MCM3AP: variants seen among roughly 807,000 people sequenced by gnomAD.
MCM3AP encodes germinal-center associated nuclear protein.
A neutral mutation model predicts 184.1 loss-of-function variants in MCM3AP; 126 were observed. The ratio of observed to expected loss-of-function variants is 0.68; its 90% CI spans 0.59 to 0.79. The LOEUF is 0.79. MCM3AP is among the 30% of genes least tolerant of loss of function. MCM3AP has a pLI of 0.00. For missense variants in MCM3AP, 2,496 were observed against 2,479.2 expected (o/e 1.01, Z -0.14); for synonymous variants, 1,002 against 979.3 (o/e 1.02, Z -0.43).
intron 12 of MCM3AP, among the ~76,000 whole-genome samples, chr21:46,265,066 GA>G (rs750649411): frequency 2.6e-4 from 40 of 152,366 alleles, no homozygotes; most frequent in Non-Finnish European, 1.2e-4. Flanking sequence ...ATCCCGTCAG[GA>G]ATAGACGGGT....
Position 46,243,728 on chromosome 21 carries a change from G to A in MCM3AP, c.5039-6C>T, listed in dbSNP as rs2080716339. The stretch of plus-strand genomic sequence containing the variant: ...GCACACGGGGAGCCAGGGGGCTGGG[G>A]AGAAAGTGCCTCATTAGTTACAGGT... On this transcript the variant is annotated splice_polypyrimidine_tract_variant and splice_region_variant and intron_variant, in intron 23 of 27. Transcript: ENST00000291688. The A allele has an allele frequency of 6.2e-7, 1 of 1,613,202 alleles. No individual in the cohort carries two copies. Among genetic ancestry groups the A allele is most frequent in the African/African-American group, 1.3e-5 (1 of 75,044 alleles).
Position 46,244,973 on chromosome 21 carries a change from G to A in MCM3AP, c.4872C>T (p.Ser1624=). The A allele has an allele frequency of 1.2e-6, 2 of 1,614,214 alleles. No individual in the cohort carries two copies. Among genetic ancestry groups the A allele is most frequent in the Non-Finnish European group, 1.7e-6 (2 of 1,180,044 alleles). ...AGGACAGGTCACACAGCTGTTCAGA[G>A]GACACCACAGAAGCCAGGAACTGCA... ...SVLQFLASVV[S]SEQLCDLSWP... Residue 1624 remains serine (S), a synonymous_variant, in exon 23 of 28, where the codon TCC becomes TCT. Transcript: ENST00000291688.
chr21:46,236,790 A>T (rs2080534857), intron 27 of MCM3AP, 39 bp downstream of exon 27: 2 of 1,412,322 alleles, frequency 1.4e-6, no homozygotes, highest in Admixed American at 2.7e-5. Flanking sequence ...CTCAATCTTT[A>T]ATTCTTATGT....
chr21:46,239,853 C>G (rs181949270), intron 26 of MCM3AP, among the ~76,000 whole-genome samples: 1 of 151,960 alleles, frequency 6.6e-6, no homozygotes, highest in African/African-American at 2.4e-5. Flanking sequence ...AGGGGGACCA[C>G]GGACATCCTA....
Position 46,280,095 on chromosome 21 carries a change from C to G in MCM3AP, c.1565G>C (p.Gly522Ala). 6.2e-7 allele frequency: 1 copy of G among 1,614,222 alleles called. No individual in the cohort carries two copies. The highest frequency in any genetic ancestry group is 8.5e-7 in the Non-Finnish European group (1 of 1,180,024). The change falls in exon 4 of 28, where the codon GGT becomes GCT. Residue 522 changes from glycine to alanine, a missense_variant. Gly to Ala is a moderately conservative substitution (Grantham distance 60). Transcript: ENST00000291688. ...KPFSLKEKKP[G>A]DGEVSPSTED... is the part of the protein sequence containing the mutation. ...TGTGCTCGGGCTGACTTCACCGTCACCTGGTTTCTTCTCCTTCAGGGAAAA... is the reference window on the plus strand; with the variant it reads ...TGTGCTCGGGCTGACTTCACCGTCAGCTGGTTTCTTCTCCTTCAGGGAAAA...
chr21:46,265,695 A>C (rs1184870076), intron 11 of MCM3AP, among the ~76,000 whole-genome samples, 172 bp from the exon 12 acceptor site: 1 of 152,178 alleles, frequency 6.6e-6, no homozygotes, highest in Non-Finnish European at 1.5e-5. Flanking sequence ...ATGAAAAACA[A>C]GCCCCAGGAT....
At chr21:46,281,669 A>C (rs1365268396) in intron 2 of MCM3AP, among the ~76,000 whole-genome samples, 1 of 152,092 alleles carries the variant, frequency 6.6e-6, no homozygotes, top group African/African-American at 2.4e-5. Context: ...AAAATAAATA[A>C]ATAATAAAAT....
rs2081405441 is a variant in MCM3AP at position 46,285,551 on chromosome 21, G to A, written c.-265C>T. 4.5e-6 allele frequency: 2 copies of A among 441,626 alleles called. No individual in the cohort carries two copies. Among genetic ancestry groups the A allele is most frequent in the South Asian group, 3.3e-5 (1 of 30,502 alleles). The allele number at this position is 441,626 out of a possible 1,614,324, so 27.4% of individuals were successfully genotyped here. Reference sequence around the variant, plus strand: ...GATAGGTTATTTTGTTGGAGGGTGGGGTAGAGAGTGGTACAAATAATTACT... The same window carrying A: ...GATAGGTTATTTTGTTGGAGGGTGGAGTAGAGAGTGGTACAAATAATTACT... On this transcript the variant is annotated 5_prime_UTR_variant, in exon 1 of 28. Transcript: ENST00000291688.
chr21:46,251,491 GA>G (rs2080867589), intron 20 of MCM3AP, 37 bp downstream of exon 20: 1 of 1,540,238 alleles, frequency 6.5e-7, no homozygotes, highest in Non-Finnish European at 8.9e-7. Context: ...TGAAAGTAAT[GA>G]AAACACAGAA....
intron 6 of MCM3AP, among the ~76,000 whole-genome samples, 167 bp downstream of exon 6, chr21:46,275,019 A>T (rs1370067960): frequency 6.6e-6 from 1 of 152,082 alleles, no homozygotes. Flanking sequence ...ATGTATAGGT[A>T]CCAATTACAG....
intron 20 of MCM3AP, among the ~76,000 whole-genome samples, chr21:46,249,242 C>T (rs1291414576): frequency 2.0e-5 from 3 of 152,168 alleles, no homozygotes; most frequent in Non-Finnish European, 2.9e-5. Flanking sequence ...CACCGGAGTG[C>T]AGTGGTGCGA....
At chr21:46,254,285 A>G in intron 19 of MCM3AP, 107 bp downstream of exon 19, 1 of 1,188,996 alleles carries the variant, frequency 8.4e-7, no homozygotes, top group Non-Finnish European at 1.2e-6. Flanking sequence ...ATAAACCTAC[A>G]CTTCCGAGTT....
chr21:46,279,493 A>G (rs552324553), intron 4 of MCM3AP, among the ~76,000 whole-genome samples: 1 of 152,362 alleles, frequency 6.6e-6, no homozygotes, highest in Admixed American at 6.5e-5. Flanking sequence ...TGTCCCACAG[A>G]GCAGGCACTC....
rs766767939 is a variant in MCM3AP at position 46,272,749 on chromosome 21, G to C, written c.2277C>G (p.Ala759=). Residue 759 remains alanine, a synonymous_variant, in exon 8 of 28, where the codon GCC becomes GCG. Transcript: ENST00000291688. ...EKCTRFHIHC[A]HFMCEEPMSS... Reference sequence around the variant, plus strand: ...ACATGGGCTCCTCACACATGAAGTGGGCACAGTGGATGTGAAACCGGGTGC... The same window carrying C: ...ACATGGGCTCCTCACACATGAAGTGCGCACAGTGGATGTGAAACCGGGTGC... 1 of 1,613,900 alleles carries C rather than the reference G, an allele frequency of 6.2e-7. No individual in the cohort carries two copies. Among genetic ancestry groups the C allele is most frequent in the Non-Finnish European group, 8.5e-7 (1 of 1,179,970 alleles).
chr21:46,285,569 T>C lies in MCM3AP; in HGVS notation c.-283A>G, dbSNP rs2081405798. The C allele has an allele frequency of 5.5e-6, 2 of 363,650 alleles. No individual in the cohort carries two copies. Among genetic ancestry groups the C allele is most frequent in the Admixed American group, 4.3e-5 (1 of 23,196 alleles). 22.5% of individuals were successfully genotyped at this position (363,650 alleles called of 1,614,324 possible). A position where few individuals can be genotyped will look rare whatever the true frequency, so the allele number is the denominator to read the frequency against. ...AGGGTGGGGTAGAGAGTGGTACAAA[T>C]AATTACTTTGTTACAGAGGTTTAAA... On this transcript the variant is annotated 5_prime_UTR_variant, in exon 1 of 28. Transcript: ENST00000291688.
intron 14 of MCM3AP, 107 bp downstream of exon 14, chr21:46,261,173 G>T: frequency 7.1e-7 from 1 of 1,415,288 alleles, no homozygotes; most frequent in Non-Finnish European, 9.8e-7. Context: ...CAGCAGGGGT[G>T]GAATGGTAGC....
chr21:46,284,648 A>T lies in MCM3AP; in HGVS notation c.639T>A (p.Val213=), dbSNP rs746514062. The change falls in exon 1 of 28, where the codon GTT becomes GTA. Residue 213 remains valine, a synonymous_variant. Transcript: ENST00000291688. ...AGGCAGATAATGAATTATTACTACT[A>T]ACAGGTTTTGAAAAGGTAAAATTTG... ...TTSNFTFSKP[V]SSNNSLSAFT... is the part of the protein sequence containing the mutation. 3.1e-6 allele frequency: 5 copies of T among 1,614,126 alleles called. No homozygotes were observed. Among genetic ancestry groups the T allele is most frequent in the Non-Finnish European group, 4.2e-6 (5 of 1,179,998 alleles).
At chr21:46,243,001 A>C in intron 24 of MCM3AP, 70 bp from the exon 25 acceptor site, 3 of 1,283,234 alleles carry the variant, frequency 2.3e-6, no homozygotes, top group South Asian at 1.5e-5. Flanking sequence ...AAAAAAAAAC[A>C]CACACAAAAA....
intron 19 of MCM3AP, chr21:46,251,963 G>A (rs959753109): frequency 3.1e-5 from 7 of 225,822 alleles, no homozygotes; most frequent in Admixed American, 1.2e-4. Context: ...TTGGCTCACC[G>A]CAGCAAGCAA....
Sources: allele counts gnomAD v4.1 joint callset (sites outside exome capture counted in the v4.1 genomes callset), GRCh38; gene constraint gnomAD v4.1.1; transcripts MANE v1.5; gene names NCBI Gene and HGNC (gene_info 2026-07-23, HGNC 2026-07-21).